The following KCNH7 variants were observed in gnomAD, a reference collection of about 807,000 sequenced individuals.
KCNH7 encodes potassium voltage-gated channel subfamily H member 7.
A neutral mutation model predicts 120.8 loss-of-function variants in KCNH7; 49 were observed. That is an observed-to-expected ratio of 0.41 (90% confidence interval 0.32 to 0.51). The LOEUF (loss-of-function observed/expected upper bound fraction) is 0.51. Among genes scored for constraint, KCNH7 ranks in the 20% least tolerant of loss-of-function variants. KCNH7 has a pLI of 0.38. For synonymous variants in KCNH7, 547 were observed against 516.1 expected (o/e 1.06, Z -0.81); for missense variants, 1,097 against 1,446.6 (o/e 0.76, Z 3.92).
At chr2:162,609,973 C>T (rs1341808924) in intron 2 of KCNH7, among the ~76,000 whole-genome samples, 1 of 152,182 alleles carries the variant, frequency 6.6e-6, no homozygotes, top group East Asian at 1.9e-4. Context: ...GGTTCAGATT[C>T]TAAGCTACCT....
chr2:162,742,209 G>A (rs2105412494), intron 2 of KCNH7, among the ~76,000 whole-genome samples: 1 of 152,238 alleles, frequency 6.6e-6, no homozygotes, highest in East Asian at 1.9e-4. Context: ...ATGTGACCTG[G>A]AAATGATCTA....
intron 9 of KCNH7, among the ~76,000 whole-genome samples, chr2:162,407,725 G>A (rs572702875): frequency 2.6e-5 from 4 of 152,050 alleles, no homozygotes; most frequent in African/African-American, 9.6e-5. Context: ...GAGAGGTAGT[G>A]GGGGAAGGGA....
At chr2:162,458,686 A>T (rs1195678475) in intron 6 of KCNH7, among the ~76,000 whole-genome samples, 2 of 152,192 alleles carry the variant, frequency 1.3e-5, no homozygotes, top group Non-Finnish European at 2.9e-5. Flanking sequence ...TCTGAAAAGC[A>T]CAGATGACAG....
chr2:162,771,427 A>T (rs1683051348), intron 2 of KCNH7, among the ~76,000 whole-genome samples: 2 of 152,130 alleles, frequency 1.3e-5, no homozygotes, highest in African/African-American at 4.8e-5. Flanking sequence ...GATGTCAAAT[A>T]TCACTTTAGC....
chr2:162,453,318 A>T (rs559171148), intron 6 of KCNH7, among the ~76,000 whole-genome samples: 1 of 152,314 alleles, frequency 6.6e-6, no homozygotes, highest in South Asian at 2.1e-4. Context: ...GCTGCATAGT[A>T]TTCCATGGTG....
chr2:162,559,581 T>C (rs565438359), intron 2 of KCNH7, among the ~76,000 whole-genome samples: 20 of 152,274 alleles, frequency 1.3e-4, no homozygotes, highest in African/African-American at 4.8e-4. Context: ...CCATGATCAT[T>C]TTATATTATC....
intron 2 of KCNH7, among the ~76,000 whole-genome samples, chr2:162,666,751 A>G (rs757621921): frequency 2.6e-5 from 4 of 152,048 alleles, no homozygotes; most frequent in African/African-American, 9.7e-5. Flanking sequence ...ATCACATTAT[A>G]TCATTTATGG....
chr2:162,635,075 G>T (rs1683907872), intron 2 of KCNH7, among the ~76,000 whole-genome samples: 1 of 151,574 alleles, frequency 6.6e-6, no homozygotes, highest in Admixed American at 6.6e-5. Flanking sequence ...GATACATGTG[G>T]CTAGTAGTTA....
chr2:162,773,522 A>G (rs974118085), intron 2 of KCNH7, among the ~76,000 whole-genome samples: 1 of 152,298 alleles, frequency 6.6e-6, no homozygotes, highest in East Asian at 1.9e-4. Flanking sequence ...ATGTCTTGCC[A>G]ACTTGAAATA....
chr2:162,748,393 T>C (rs938748945), intron 2 of KCNH7, among the ~76,000 whole-genome samples: 2 of 152,232 alleles, frequency 1.3e-5, no homozygotes, highest in Admixed American at 6.5e-5. Context: ...ACTAAGTTTT[T>C]ATGCCCTTAT....
intron 6 of KCNH7, among the ~76,000 whole-genome samples, chr2:162,460,667 C>T (rs571881928): frequency 6.6e-6 from 1 of 152,234 alleles, no homozygotes; most frequent in South Asian, 2.1e-4. Context: ...TCAGAGAGAC[C>T]GTATGGCTCT....
In KCNH7 at chr2:162,643,530, C is replaced by T. The variant is rs749070140; in HGVS notation, c.308-106450G>A. Among the ~76,000 whole-genome samples the T allele has an allele frequency of 6.5e-4, 98 of 151,786 alleles. 1 individual carries two copies. The highest frequency in any genetic ancestry group is 1.2e-3 in the Non-Finnish European group (81 of 67,956). The stretch of plus-strand genomic sequence containing the variant: ...TGTTTAAAGAAAAATGATTAACCGC[C>T]GGGCGAGGTGGCTCACACCTGTAAC... On this transcript the variant is annotated intron_variant, in intron 2 of 15. Transcript: ENST00000332142.
intron 2 of KCNH7, among the ~76,000 whole-genome samples, chr2:162,729,002 TA>T (rs1438562857): frequency 6.6e-6 from 1 of 152,028 alleles, no homozygotes; most frequent in African/African-American, 2.4e-5. Flanking sequence ...GTTTTTTTTT[TA>T]TTTTTTTAAA....
chr2:162,728,172 T>C lies in KCNH7; in HGVS notation c.307+108365A>G, dbSNP rs114864602. On this transcript the variant is annotated intron_variant, in intron 2 of 15. Coordinates refer to ENST00000332142, the MANE Select transcript of KCNH7 (RefSeq NM_033272.4). ...TTCCAACATTTGGACTTAATCAGCT[T>C]TTTTTTTTTTAATTAGGCATTCTAA... is the stretch of plus-strand genomic sequence containing the variant. Among the ~76,000 whole-genome samples, 819 of 141,414 alleles carry C rather than the reference T, an allele frequency of 5.8e-3. 8 individuals are homozygous for C. The highest frequency in any genetic ancestry group is 0.021 in the African/African-American group (794 of 38,068). The allele number at this position is 141,414 out of a possible 152,430, so 92.8% of individuals were successfully genotyped here.
At chr2:162,609,836 A>G (rs908489497) in intron 2 of KCNH7, among the ~76,000 whole-genome samples, 1 of 152,194 alleles carries the variant, frequency 6.6e-6, no homozygotes, top group Non-Finnish European at 1.5e-5. Flanking sequence ...AGGGTCTAAC[A>G]GTGCATAACA....
intron 2 of KCNH7, among the ~76,000 whole-genome samples, chr2:162,626,982 G>A (rs1328074524): frequency 6.6e-6 from 1 of 152,124 alleles, no homozygotes; most frequent in Non-Finnish European, 1.5e-5. Context: ...CTACATCGTG[G>A]CAATTTGTAA....
At chr2:162,623,980 C>G (rs1015144791) in intron 2 of KCNH7, among the ~76,000 whole-genome samples, 3 of 152,068 alleles carry the variant, frequency 2.0e-5, no homozygotes, top group Admixed American at 1.3e-4. Flanking sequence ...AACTGTACAC[C>G]ATTCTGGTTA....
At chr2:162,687,310 A>G (rs1289233635) in intron 2 of KCNH7, among the ~76,000 whole-genome samples, 2 of 152,138 alleles carry the variant, frequency 1.3e-5, no homozygotes, top group Non-Finnish European at 2.9e-5. Context: ...CTGGCTCTCA[A>G]GAAAGAATTT....
intron 2 of KCNH7, among the ~76,000 whole-genome samples, chr2:162,560,266 A>AT (rs1693014433): frequency 1.3e-5 from 2 of 152,266 alleles, no homozygotes; most frequent in East Asian, 1.9e-4. Context: ...GCCGTTTCAA[A>AT]TTTTTTTCCT....
Sources: allele counts gnomAD v4.1 joint callset (sites outside exome capture counted in the v4.1 genomes callset), GRCh38; gene constraint gnomAD v4.1.1; transcripts MANE v1.5; gene names NCBI Gene and HGNC (gene_info 2026-07-23, HGNC 2026-07-21).